The following PDE4B variants were observed in gnomAD, a reference collection of about 807,000 sequenced individuals.
The protein encoded by PDE4B is phosphodiesterase 4B, also known as 3',5'-cyclic-AMP phosphodiesterase 4B.
PDE4B carries 20 observed loss-of-function variants against 82.2 expected under a neutral mutation model. The observed-to-expected ratio is 0.24, with a 90% CI of 0.17 to 0.35. The LOEUF (loss-of-function observed/expected upper bound fraction) is 0.35. Among genes scored for constraint, PDE4B ranks in the 10% least tolerant of loss-of-function variants. PDE4B has a pLI of 1.00. For synonymous variants in PDE4B, 320 were observed against 318.9 expected (o/e 1.00, Z -0.04); for missense variants, 655 against 907.2 (o/e 0.72, Z 3.57).
In PDE4B at chr1:66,095,222, A is replaced by G. The variant is rs139733634; in HGVS notation, c.282-152238A>G. ...CTAGAAGAGTCTTTTTTTAAATTCAATTATATACTTGCTATTATAGCTTGC... is the reference window on the plus strand; with the variant it reads ...CTAGAAGAGTCTTTTTTTAAATTCAGTTATATACTTGCTATTATAGCTTGC... On this transcript the variant is annotated intron_variant, in intron 3 of 16. Coordinates refer to ENST00000341517, the MANE Select transcript of PDE4B (RefSeq NM_002600.4). Among the ~76,000 whole-genome samples the G allele has an allele frequency of 1.3e-3, 202 of 152,018 alleles. 1 individual carries two copies. Among genetic ancestry groups the G allele is most frequent in the Middle Eastern group, 3.4e-3 (1 of 294 alleles).
At chr1:65,998,408 C>A (rs949479226) in intron 3 of PDE4B, among the ~76,000 whole-genome samples, 23 of 151,328 alleles carry the variant, frequency 1.5e-4, no homozygotes, top group African/African-American at 5.3e-4. Flanking sequence ...TTTAGCCCAT[C>A]CATTCTCGGT....
chr1:65,841,586 A>G (rs72933430), intron 1 of PDE4B, among the ~76,000 whole-genome samples: 196 of 152,270 alleles, frequency 1.3e-3, no homozygotes, highest in African/African-American at 4.6e-3. Context: ...TAAGGCTTCA[A>G]GGGAGGCCTT....
At chr1:65,830,461 C>T (rs1483224975) in intron 1 of PDE4B, among the ~76,000 whole-genome samples, 1 of 152,066 alleles carries the variant, frequency 6.6e-6, no homozygotes, top group East Asian at 1.9e-4. Flanking sequence ...GCCTAGGTGA[C>T]CAAGGTTAAC....
chr1:66,170,756 C>A (rs1012002174), intron 3 of PDE4B, among the ~76,000 whole-genome samples: 5 of 152,080 alleles, frequency 3.3e-5, no homozygotes, highest in Non-Finnish European at 7.4e-5. Flanking sequence ...TGAAGATTAA[C>A]ACAGCAAAAA....
chr1:66,293,503 A>G (rs895075046), intron 7 of PDE4B, among the ~76,000 whole-genome samples: 1 of 151,704 alleles, frequency 6.6e-6, no homozygotes, highest in East Asian at 1.9e-4. Flanking sequence ...TTTATGGAAG[A>G]TAGAGTCTGA....
chr1:66,176,331 C>G (rs188471002), intron 3 of PDE4B, among the ~76,000 whole-genome samples: 174 of 152,350 alleles, frequency 1.1e-3, no homozygotes, highest in Non-Finnish European at 2.1e-3. Flanking sequence ...CTAGGCATCG[C>G]CTAAAATCTG....
chr1:66,324,814 C>T (rs894713909), intron 7 of PDE4B, among the ~76,000 whole-genome samples: 1 of 152,180 alleles, frequency 6.6e-6, no homozygotes, highest in Non-Finnish European at 1.5e-5. Flanking sequence ...GCAGTGTGTA[C>T]ATGTTCTCCT....
intron 3 of PDE4B, among the ~76,000 whole-genome samples, chr1:66,066,978 C>T (rs1036217553): frequency 6.6e-6 from 1 of 151,934 alleles, no homozygotes; most frequent in Non-Finnish European, 1.5e-5. Flanking sequence ...GTTTTAGATA[C>T]ATTTAAGCTG....
chr1:66,368,797 A>G lies in PDE4B; in HGVS notation c.1673A>G (p.Asn558Ser). The change falls in exon 16 of 17, where the codon AAC becomes AGC. Residue 558 changes from asparagine (N) to serine (S), a missense_variant. By Grantham distance (46) the Asn-to-Ser change is conservative. Around this residue, in one of 3 missense-constraint regions of PDE4B, gnomAD observed 283 missense variants for 516.4 expected, o/e 0.55. Coordinates refer to ENST00000341517, the MANE Select transcript of PDE4B (RefSeq NM_002600.4). ...ACTTGATGATTTCAGGTCCTTCGCA[A>G]CATGGTACACTGTGCAGACCTGAGC... is the stretch of plus-strand genomic sequence containing the variant. ...NYTDRIQVLR[N>S]MVHCADLSNP... The G allele has an allele frequency of 6.5e-7, 1 of 1,544,456 alleles. No individual in the cohort carries two copies. Among genetic ancestry groups the G allele is most frequent in the South Asian group, 1.2e-5 (1 of 80,944 alleles).
intron 3 of PDE4B, among the ~76,000 whole-genome samples, chr1:65,963,100 T>G (rs1649629518): frequency 6.6e-6 from 1 of 152,164 alleles, no homozygotes; most frequent in Non-Finnish European, 1.5e-5. Context: ...ATCACCTTTC[T>G]CAAGATGCGA....
At chr1:66,050,348 G>A (rs561191466) in intron 3 of PDE4B, among the ~76,000 whole-genome samples, 1 of 152,140 alleles carries the variant, frequency 6.6e-6, no homozygotes, top group Non-Finnish European at 1.5e-5. Context: ...ACATCATTTA[G>A]CAGAAATAGA....
intron 8 of PDE4B, among the ~76,000 whole-genome samples, chr1:66,334,910 G>A (rs1190471508): frequency 6.6e-6 from 1 of 152,042 alleles, no homozygotes; most frequent in African/African-American, 2.4e-5. Context: ...CCAGGAGTTC[G>A]AGATAATGCA....
At chr1:66,365,811 C>T (rs947025843) in intron 13 of PDE4B, 45 bp downstream of exon 13, 2 of 1,104,284 alleles carry the variant, frequency 1.8e-6, no homozygotes, top group Admixed American at 1.8e-5. Flanking sequence ...TTGTATGATT[C>T]ACTGCTTAAT....
chr1:66,088,623 A>T (rs917030500), intron 3 of PDE4B, among the ~76,000 whole-genome samples: 11 of 152,100 alleles, frequency 7.2e-5, no homozygotes, highest in African/African-American at 2.7e-4. Flanking sequence ...GACTAAGTGA[A>T]GTAGAAGCCT....
At chr1:66,250,316 T>C (rs1235526387) in intron 4 of PDE4B, among the ~76,000 whole-genome samples, 1 of 152,160 alleles carries the variant, frequency 6.6e-6, no homozygotes, top group Non-Finnish European at 1.5e-5. Flanking sequence ...ACAGACCTCA[T>C]ACCCAGCACA....
At chr1:66,021,280 G>C (rs1653091510) in intron 3 of PDE4B, among the ~76,000 whole-genome samples, 2 of 152,206 alleles carry the variant, frequency 1.3e-5, no homozygotes. Context: ...TGTTCACTCT[G>C]ATGGTAGTTT....
rs71058435 is a variant in PDE4B at position 65,920,959 on chromosome 1, CTTTTTTTT to C, written c.281+2144_281+2151del. On this transcript the variant is annotated intron_variant, in intron 3 of 16. Coordinates refer to ENST00000341517, the MANE Select transcript of PDE4B (RefSeq NM_002600.4). ...AAAACATAAGTAACTAAAAGCATTT[CTTTTTTTT>C]TTTTTTTTTTTTTTTTTTTGAGACG... Among the ~76,000 whole-genome samples, 45 of 68,178 alleles carry C rather than the reference CTTTTTTTT, an allele frequency of 6.6e-4. No individual in the cohort carries two copies. In the South Asian group the frequency reaches 0.02, roughly 30 times the overall value. The allele number at this position is 68,178 out of a possible 152,430, so 44.7% of individuals were successfully genotyped here.
chr1:65,825,524 CCAT>C (rs1646003586), intron 1 of PDE4B, among the ~76,000 whole-genome samples: 1 of 152,040 alleles, frequency 6.6e-6, no homozygotes, highest in East Asian at 1.9e-4. Context: ...AGTCTACTAT[CCAT>C]AATTATCTCA....
chr1:66,272,255 C>T (rs1330705120), intron 7 of PDE4B, among the ~76,000 whole-genome samples: 8 of 152,144 alleles, frequency 5.3e-5, no homozygotes, highest in Admixed American at 5.2e-4. Context: ...GAGTCAGAGC[C>T]AGAGATTCGC....
Sources: gnomAD v4.1 joint callset for allele counts (sites outside exome capture counted in the v4.1 genomes callset) on GRCh38, gnomAD v4.1.1 for gene constraint, gnomAD v4.1.1 regional missense constraint, MANE v1.5 for transcripts, NCBI Gene and HGNC (gene_info 2026-07-23, HGNC 2026-07-21) for gene names.